The following SH2D1B variants were observed in gnomAD, a reference collection of about 807,000 sequenced individuals.
The protein encoded by SH2D1B is SH2 domain containing 1B.
A neutral mutation model predicts 16.3 loss-of-function variants in SH2D1B; 11 were observed. That is an observed-to-expected ratio of 0.67 (90% CI 0.42 to 1.11). The LOEUF (loss-of-function observed/expected upper bound fraction) is 1.11, where lower values mean the gene tolerates loss of function less well. Among genes scored for constraint, SH2D1B ranks in the 50% most tolerant of loss-of-function variants. The pLI, the probability that SH2D1B is intolerant of heterozygous loss-of-function variation, is 0.00. For missense variants in SH2D1B, 123 were observed against 153.1 expected (o/e 0.80, Z 1.04); for synonymous variants, 55 against 56.1 (o/e 0.98, Z 0.09).
intron 1 of SH2D1B, among the ~76,000 whole-genome samples, chr1:162,410,749 C>T (rs1303396943): frequency 6.6e-6 from 1 of 150,780 alleles, no homozygotes; most frequent in Non-Finnish European, 1.5e-5. Flanking sequence ...CTCCACCACC[C>T]GGGTTCAAGT....
At chr1:162,404,616 T>TA in intron 1 of SH2D1B, among the ~76,000 whole-genome samples, 1 of 151,970 alleles carries the variant, frequency 6.6e-6, no homozygotes, top group Non-Finnish European at 1.5e-5. Flanking sequence ...TTTTTAAAAA[T>TA]AAAAAAAGTA....
rs568569709 is a variant in SH2D1B at position 162,402,524 on chromosome 1, AC to A, written c.198+214del. ...CAGAGCGAGACTCCGTCTAAAAAAA[AC>A]AAAACAACAACAAAAAAAGTAGAAC... On this transcript the variant is annotated intron_variant, in intron 2 of 3. Transcript: ENST00000367929. 429 of 453,526 alleles carry A rather than the reference AC, an allele frequency of 9.5e-4. 1 individual carries two copies. The highest frequency in any genetic ancestry group is 7.9e-3 in the African/African-American group (400 of 50,398). The allele number at this position is 453,526 out of a possible 1,614,324, so 28.1% of individuals were successfully genotyped here. A position where few individuals can be genotyped will look rare whatever the true frequency, so the allele number is the denominator to read the frequency against.
intron 2 of SH2D1B, 99 bp downstream of exon 2, chr1:162,402,640 A>G (rs188208315): frequency 1.0e-6 from 1 of 985,442 alleles, no homozygotes; most frequent in East Asian, 2.4e-5. Flanking sequence ...TCCTTTTTAG[A>G]ATGCTTTCGC....
At position 162,400,049 on chromosome 1, in the gene SH2D1B, T is replaced by C. The variant is rs201668317; in HGVS notation, c.199-962A>G. Among the ~76,000 whole-genome samples, 32 of 152,352 alleles carry C rather than the reference T, an allele frequency of 2.1e-4. No individual in the cohort carries two copies. The East Asian group carries it at 4.4e-3, about 21-fold the overall frequency. ...ATTCCATGGTGTATATGTACCACAT[T>C]TTATTTATCCAGTCTATCACTGATG... On this transcript the variant is annotated intron_variant, in intron 2 of 3. Coordinates refer to ENST00000367929, the MANE Select transcript of SH2D1B (RefSeq NM_053282.5).
Position 162,395,675 on chromosome 1 carries a change from C to A in SH2D1B, c.*1605G>T, listed in dbSNP as rs1648356412. ...AGAATCAACAGGTAAACTAGTAGATCTAATGAGAGGGTTAACATTTCACCA... is the reference window on the plus strand; with the variant it reads ...AGAATCAACAGGTAAACTAGTAGATATAATGAGAGGGTTAACATTTCACCA... On this transcript the variant is annotated 3_prime_UTR_variant, in exon 4 of 4. Transcript: ENST00000367929. 6.6e-6 allele frequency: 1 copy of A among 152,126 alleles called. No individual in the cohort carries two copies. Among genetic ancestry groups the A allele is most frequent in the Admixed American group, 6.5e-5 (1 of 15,276 alleles). 9.4% of individuals were successfully genotyped at this position (152,126 alleles called of 1,614,324 possible). A position where few individuals can be genotyped will look rare whatever the true frequency, so the allele number is the denominator to read the frequency against.
chr1:162,400,146 G>A (rs534274869), intron 2 of SH2D1B, among the ~76,000 whole-genome samples: 4 of 152,190 alleles, frequency 2.6e-5, no homozygotes, highest in African/African-American at 9.6e-5. Flanking sequence ...TACACAATTT[G>A]TATACTTGAT....
rs1648363932 is a variant in SH2D1B, at chr1:162,395,933, T to C, written c.*1347A>G. 6.6e-6 allele frequency: 1 copy of C among 152,162 alleles called. No homozygotes were observed. Among genetic ancestry groups the C allele is most frequent in the Non-Finnish European group, 1.5e-5 (1 of 68,026 alleles). The allele number at this position is 152,162 out of a possible 1,614,324, so 9.4% of individuals were successfully genotyped here. On this transcript the variant is annotated 3_prime_UTR_variant, in exon 4 of 4. Transcript: ENST00000367929. ...AATTTGTTGCAAGTTCATTAAAAAT[T>C]CCAAAAAGAGGTTTTAAGCAATTTC...
At chr1:162,400,286 CTTTTTTTTTTTT>C (rs1241054289) in intron 2 of SH2D1B, among the ~76,000 whole-genome samples, 2 of 83,288 alleles carry the variant, frequency 2.4e-5, no homozygotes, top group African/African-American at 8.8e-5. Context: ...ACACCACGTA[CTTTTTTTTTTTT>C]TTTTTTTTTT....
At chr1:162,409,899 A>G (rs546406041) in intron 1 of SH2D1B, among the ~76,000 whole-genome samples, 4 of 152,106 alleles carry the variant, frequency 2.6e-5, no homozygotes, top group Non-Finnish European at 5.9e-5. Context: ...TTTAAATGGT[A>G]CTGTTGGATG....
chr1:162,397,437 T>A, intron 3 of SH2D1B, 122 bp from the exon 4 acceptor site: 1 of 997,782 alleles, frequency 1.0e-6, no homozygotes, highest in Non-Finnish European at 1.5e-6. Context: ...TGATGCCACC[T>A]GAAAGTTGTA....
chr1:162,407,986 C>G (rs1020288888), intron 1 of SH2D1B, among the ~76,000 whole-genome samples: 1 of 152,158 alleles, frequency 6.6e-6, no homozygotes, highest in African/African-American at 2.4e-5. Context: ...TCTGGTTCTC[C>G]CCTTTTTGCT....
chr1:162,404,760 C>G (rs916341093), intron 1 of SH2D1B, among the ~76,000 whole-genome samples: 2 of 152,188 alleles, frequency 1.3e-5, no homozygotes, highest in Non-Finnish European at 2.9e-5. Flanking sequence ...CCACTACACA[C>G]TTATTAATAC....
At chr1:162,408,414 CTT>C (rs34627792) in intron 1 of SH2D1B, among the ~76,000 whole-genome samples, 11 of 128,176 alleles carry the variant, frequency 8.6e-5, no homozygotes, top group Non-Finnish European at 1.1e-4. Flanking sequence ...TTTTTCTCTT[CTT>C]TTTTTTTTTT....
intron 3 of SH2D1B, among the ~76,000 whole-genome samples, chr1:162,397,840 G>A (rs1301719417): frequency 1.3e-5 from 2 of 152,222 alleles, no homozygotes. Flanking sequence ...ATCTGGGTTT[G>A]CCTAAGGGCT....
At chr1:162,407,152 T>C (rs984679967) in intron 1 of SH2D1B, among the ~76,000 whole-genome samples, 12 of 152,260 alleles carry the variant, frequency 7.9e-5, no homozygotes, top group Non-Finnish European at 2.9e-5. Flanking sequence ...TCCTGAAGTA[T>C]CGGGGGAACC....
intron 1 of SH2D1B, among the ~76,000 whole-genome samples, chr1:162,408,242 G>T (rs1237382071): frequency 6.6e-5 from 10 of 152,034 alleles, no homozygotes; most frequent in Admixed American, 6.6e-4. Context: ...ATAGCTTCAG[G>T]GGTCACTTGA....
At chr1:162,401,332 A>AT (rs35900994) in intron 2 of SH2D1B, among the ~76,000 whole-genome samples, 53,192 of 152,084 alleles carry the variant, frequency 0.35, 9,938 homozygotes, top group Non-Finnish European at 0.41. Flanking sequence ...CAGAAAAAAA[A>AT]GTCTTAAAAT....
chr1:162,411,878 C>T lies in SH2D1B; in HGVS notation c.134+5G>A, dbSNP rs773819087. The T allele has an allele frequency of 2.6e-5, 42 of 1,614,100 alleles. 2 individuals carry two copies. The highest frequency in any genetic ancestry group is 3.1e-5 in the Non-Finnish European group (37 of 1,180,030). On this transcript the variant is annotated splice_donor_5th_base_variant and intron_variant, in intron 1 of 3. Coordinates refer to ENST00000367929, the MANE Select transcript of SH2D1B (RefSeq NM_053282.5). ...GTCAGATGTGTGCAAGATGAGGCTA[C>T]TCACGAGACACAGAGGCACAGGACT...
chr1:162,396,444 C>T lies in SH2D1B; in HGVS notation c.*836G>A, dbSNP rs1310188429. The T allele has an allele frequency of 3.3e-5, 5 of 152,176 alleles. No homozygotes were observed. Among genetic ancestry groups the T allele is most frequent in the Admixed American group, 3.3e-4 (5 of 15,274 alleles). 9.4% of individuals were successfully genotyped at this position (152,176 alleles called of 1,614,324 possible). On this transcript the variant is annotated 3_prime_UTR_variant, in exon 4 of 4. Coordinates refer to ENST00000367929, the MANE Select transcript of SH2D1B (RefSeq NM_053282.5). ...AAATTTCTACACACTGTGGAAGATACAAGGGAGACCCAACCGTGCTTTGAT... is the reference window on the plus strand; with the variant it reads ...AAATTTCTACACACTGTGGAAGATATAAGGGAGACCCAACCGTGCTTTGAT...
Sources: allele counts gnomAD v4.1 joint callset (sites outside exome capture counted in the v4.1 genomes callset), GRCh38; gene constraint gnomAD v4.1.1; transcripts MANE v1.5; gene names NCBI Gene and HGNC (gene_info 2026-07-23, HGNC 2026-07-21).